Variants in ADTRP observed in about 807,000 individuals in gnomAD.
The protein encoded by ADTRP is androgen dependent TFPI regulating protein.
In ADTRP, 20 loss-of-function variants were observed where a neutral mutation model predicts 27.0. That is an observed-to-expected ratio of 0.74 (90% CI 0.52 to 1.08). The LOEUF is 1.08. Ranked by LOEUF, ADTRP falls within the 50% of genes least tolerant of loss-of-function variation. ADTRP has a pLI of 0.00. For missense variants in ADTRP, 251 were observed against 275.0 expected (o/e 0.91, Z 0.62); for synonymous variants, 101 against 105.2 (o/e 0.96, Z 0.25).
chr6:11,768,642 T>C (rs766848164), intron 1 of ADTRP, among the ~76,000 whole-genome samples: 22 of 151,850 alleles, frequency 1.4e-4, no homozygotes, highest in Non-Finnish European at 2.8e-4. Context: ...TGAGCTAACA[T>C]GGAAACAAAA....
intron 3 of ADTRP, chr6:11,755,173 ACT>A: frequency 4.6e-6 from 3 of 647,478 alleles, no homozygotes; most frequent in Non-Finnish European, 5.7e-6. Context: ...AATTTTAATT[ACT>A]AAAATTCCTA....
chr6:11,770,046 T>C (rs540174240), intron 1 of ADTRP: 5 of 1,551,622 alleles, frequency 3.2e-6, no homozygotes, highest in South Asian at 1.2e-5. Context: ...TAAAGCTTCC[T>C]GGCTGGTAGA....
At chr6:11,749,777 T>C (rs1424795894) in intron 3 of ADTRP, among the ~76,000 whole-genome samples, 1 of 152,154 alleles carries the variant, frequency 6.6e-6, no homozygotes, top group Non-Finnish European at 1.5e-5. Context: ...AGAATAAGAA[T>C]AGATCCTAAG....
rs754236598 is a variant in ADTRP at position 11,735,642 on chromosome 6, G to A, written c.432C>T (p.Leu144=). 48 of 1,614,008 alleles carry A rather than the reference G, an allele frequency of 3.0e-5. No homozygotes were observed. The highest frequency in any genetic ancestry group is 4.0e-5 in the African/African-American group (3 of 74,918). Residue 144 remains leucine, a synonymous_variant, in exon 4 of 6, where the codon CTC becomes CTT. Transcript: ENST00000414691. ...IFPITLAEVV[L]RPHSYPSKKT... Reference sequence around the variant, plus strand: ...TCTTTGATGGATAGGAGTGAGGCCTGAGGACGACTTCAGCCAATGTGATGG... The same window carrying A: ...TCTTTGATGGATAGGAGTGAGGCCTAAGGACGACTTCAGCCAATGTGATGG...
chr6:11,735,448 A>T, intron 4 of ADTRP, 120 bp downstream of exon 4: 1 of 709,388 alleles, frequency 1.4e-6, no homozygotes, highest in East Asian at 2.8e-5. Flanking sequence ...AAATGTAAAC[A>T]TGATTAAATC....
At chr6:11,735,826 AC>A in intron 3 of ADTRP, 143 bp from the exon 4 acceptor site, 1 of 628,202 alleles carries the variant, frequency 1.6e-6, no homozygotes, top group South Asian at 2.0e-5. Flanking sequence ...ATGCCCAAGG[AC>A]CTACCGTGGC....
intron 3 of ADTRP, among the ~76,000 whole-genome samples, chr6:11,753,026 C>T (rs188171526): frequency 1.2e-4 from 19 of 152,202 alleles, no homozygotes; most frequent in African/African-American, 4.6e-4. Flanking sequence ...TTTAAAGGAA[C>T]CCAATATCAA....
chr6:11,741,720 T>A (rs55944402), intron 3 of ADTRP, among the ~76,000 whole-genome samples: 46,145 of 96,510 alleles, frequency 0.48, 8,294 homozygotes, highest in East Asian at 0.56. Context: ...AAGATTTTTT[T>A]TAAAAAAAAA....
At chr6:11,762,695 C>T (rs1763430635) in intron 3 of ADTRP, among the ~76,000 whole-genome samples, 1 of 152,216 alleles carries the variant, frequency 6.6e-6, no homozygotes. Flanking sequence ...TACATTCATG[C>T]AGTCCTTGAC....
intron 3 of ADTRP, among the ~76,000 whole-genome samples, chr6:11,737,750 C>T (rs1279758112): frequency 2.0e-5 from 3 of 152,154 alleles, no homozygotes; most frequent in South Asian, 2.1e-4. Flanking sequence ...ATTTTACTAA[C>T]GATGCCTAGA....
At chr6:11,754,825 C>T (rs116168042) in intron 3 of ADTRP, among the ~76,000 whole-genome samples, 5,991 of 152,226 alleles carry the variant, frequency 0.039, 171 homozygotes, top group Middle Eastern at 0.061. Context: ...ATGGCAGGGC[C>T]TTTTCTGTGC....
chr6:11,777,125 A>G (rs1250833410), intron 1 of ADTRP, among the ~76,000 whole-genome samples: 3 of 152,230 alleles, frequency 2.0e-5, no homozygotes, highest in Admixed American at 2.0e-4. Flanking sequence ...TCAGGGAAGC[A>G]AAATTGGGAT....
chr6:11,771,839 G>A (rs1051978489), intron 1 of ADTRP, among the ~76,000 whole-genome samples: 2 of 152,136 alleles, frequency 1.3e-5, no homozygotes, highest in Admixed American at 1.3e-4. Context: ...GGAAGACCAC[G>A]TGAGGGCACA....
intron 3 of ADTRP, among the ~76,000 whole-genome samples, chr6:11,743,398 C>G (rs1376050421): frequency 6.6e-6 from 1 of 152,204 alleles, no homozygotes; most frequent in Non-Finnish European, 1.5e-5. Context: ...TGCCCACCCT[C>G]TAATTACTCT....
chr6:11,729,192 C>A (rs1581319427), intron 4 of ADTRP, among the ~76,000 whole-genome samples: 1 of 152,004 alleles, frequency 6.6e-6, no homozygotes, highest in Non-Finnish European at 1.5e-5. Context: ...TTCTTTCTTT[C>A]GGTGTTAACC....
At position 11,723,747 on chromosome 6, in the gene ADTRP, A is replaced by T. The variant is rs544035796; in HGVS notation, c.507-247T>A. On this transcript the variant is annotated intron_variant, in intron 4 of 5. Coordinates refer to ENST00000414691, the MANE Select transcript of ADTRP (RefSeq NM_032744.4). Reference sequence around the variant, plus strand: ...GTTTTACCTAATCCACTTAAATTCAACATTGGTGAAAAAATATAAGAGAAC... The same window carrying T: ...GTTTTACCTAATCCACTTAAATTCATCATTGGTGAAAAAATATAAGAGAAC... Among the ~76,000 whole-genome samples the T allele has an allele frequency of 7.9e-5, 12 of 152,260 alleles. No homozygotes were observed. The East Asian group carries it at 2.3e-3, about 29-fold the overall frequency.
At chr6:11,718,702 G>T (rs1453910198) in intron 5 of ADTRP, among the ~76,000 whole-genome samples, 2 of 152,200 alleles carry the variant, frequency 1.3e-5, no homozygotes, top group African/African-American at 2.4e-5. Context: ...CTTGGGGGAT[G>T]ACTGGTCCCA....
chr6:11,769,989 G>T, intron 1 of ADTRP: 1 of 1,547,518 alleles, frequency 6.5e-7, no homozygotes, highest in Non-Finnish European at 8.7e-7. Context: ...CCTATCATTA[G>T]ACTCCCCCGC....
chr6:11,774,085 G>T (rs1462116117), intron 1 of ADTRP, among the ~76,000 whole-genome samples: 1 of 152,124 alleles, frequency 6.6e-6, no homozygotes, highest in East Asian at 1.9e-4. Context: ...AAGGCAGGCG[G>T]ATCACAAGGT....
Sources: gnomAD v4.1 joint callset for allele counts (sites outside exome capture counted in the v4.1 genomes callset) on GRCh38, gnomAD v4.1.1 for gene constraint, MANE v1.5 for transcripts, NCBI Gene and HGNC (gene_info 2026-07-23, HGNC 2026-07-21) for gene names.